Variants in DYNC2LI1 observed in about 807,000 individuals in gnomAD.
DYNC2LI1 encodes dynein cytoplasmic 2 light intermediate chain 1, also known as cytoplasmic dynein 2 light intermediate chain 1.
Under a neutral mutation model 51.9 loss-of-function variants are expected in DYNC2LI1, and 45 were observed. The ratio of observed to expected loss-of-function variants is 0.87; its 90% CI spans 0.68 to 1.11. The LOEUF is 1.11. Among genes scored for constraint, DYNC2LI1 ranks in the 50% most tolerant of loss-of-function variants. DYNC2LI1 has a pLI of 0.00. For synonymous variants in DYNC2LI1, 130 were observed against 137.8 expected, an observed-to-expected ratio of 0.94 and a Z score of 0.40; for missense variants, 490 against 417.4, an observed-to-expected ratio of 1.17 and a Z score of -1.51.
intron 12 of DYNC2LI1, chr2:43,805,633 C>T (rs776988081): frequency 6.4e-6 from 1 of 156,260 alleles, no homozygotes; most frequent in Non-Finnish European, 1.4e-5. Flanking sequence ...TTGATTAGGA[C>T]ATTCAGACAT....
chr2:43,808,058 T>C (rs1056507114), intron 12 of DYNC2LI1, among the ~76,000 whole-genome samples: 1 of 152,202 alleles, frequency 6.6e-6, no homozygotes, highest in Non-Finnish European at 1.5e-5. Context: ...CCTTTGTCAT[T>C]GGTAAAAATA....
At chr2:43,781,054 T>C (rs1673255915) in intron 2 of DYNC2LI1, among the ~76,000 whole-genome samples, 1 of 152,160 alleles carries the variant, frequency 6.6e-6, no homozygotes, top group African/African-American at 2.4e-5. Flanking sequence ...GTGCTATACA[T>C]TTATATGAAA....
downstream of DYNC2LI1, among the ~76,000 whole-genome samples, chr2:43,815,005 G>A (rs920958521): frequency 1.3e-5 from 2 of 152,138 alleles, no homozygotes; most frequent in African/African-American, 2.4e-5. Flanking sequence ...TCAAGTAGAC[G>A]ATTACTGTCT....
chr2:43,821,452 C>T, the DYNC2LI1 span, among the ~76,000 whole-genome samples: 5,485 of 152,236 alleles, frequency 0.036, 125 homozygotes, highest in South Asian at 0.061. Context: ...AAAATGGTTT[C>T]GCTCCCAGGA....
At chr2:43,824,815 G>A in the DYNC2LI1 span, 1 of 1,585,604 alleles carries the variant, frequency 6.3e-7, no homozygotes, top group Non-Finnish European at 8.6e-7. Flanking sequence ...CTAGACTGGT[G>A]TCATCCAGGC....
chr2:43,803,287 G>C (rs1666133777), intron 10 of DYNC2LI1, among the ~76,000 whole-genome samples: 1 of 152,106 alleles, frequency 6.6e-6, no homozygotes, highest in Admixed American at 6.5e-5. Flanking sequence ...TGTTCAGCAG[G>C]TGAGTGACTA....
intron 8 of DYNC2LI1, among the ~76,000 whole-genome samples, chr2:43,800,490 C>T (rs1666037036): frequency 6.6e-6 from 1 of 151,952 alleles, no homozygotes; most frequent in African/African-American, 2.4e-5. Context: ...TCTTTTAGAC[C>T]ATAATGAGTA....
the DYNC2LI1 span, chr2:43,824,734 G>A: frequency 1.1e-6 from 1 of 926,054 alleles, no homozygotes; most frequent in Non-Finnish European, 1.3e-6. Context: ...TCTCTGGCAA[G>A]TTCATTGACC....
chr2:43,800,045 A>C (rs1240224020), intron 8 of DYNC2LI1, among the ~76,000 whole-genome samples: 1 of 152,238 alleles, frequency 6.6e-6, no homozygotes, highest in Non-Finnish European at 1.5e-5. Flanking sequence ...CTTCACAATT[A>C]GATTTCATTT....
the DYNC2LI1 span, among the ~76,000 whole-genome samples, chr2:43,821,727 G>A: frequency 6.6e-6 from 1 of 152,092 alleles, no homozygotes; most frequent in African/African-American, 2.4e-5. Context: ...CTAATAGCAT[G>A]TCCCATGATG....
chr2:43,819,955 G>A, the DYNC2LI1 span: 1 of 1,614,138 alleles, frequency 6.2e-7, no homozygotes, highest in South Asian at 1.1e-5. Context: ...GCAATGGACA[G>A]CAGAGCCACT....
At chr2:43,828,118 G>A in the DYNC2LI1 span, 5 of 1,613,812 alleles carry the variant, frequency 3.1e-6, no homozygotes, top group Admixed American at 6.7e-5. Flanking sequence ...GCCTCCACCT[G>A]CAGGAGACAC....
At chr2:43,797,707 A>G (rs914050657) in intron 8 of DYNC2LI1, among the ~76,000 whole-genome samples, 1 of 151,688 alleles carries the variant, frequency 6.6e-6, no homozygotes, top group Non-Finnish European at 1.5e-5. Flanking sequence ...TTTAATAGAG[A>G]TGGGGTTTCA....
At chr2:43,812,771 CAT>C, downstream of DYNC2LI1, 1 of 251,710 alleles carries the variant, frequency 4.0e-6, no homozygotes, top group South Asian at 6.0e-5. Flanking sequence ...CCAATGTAAA[CAT>C]ATTTTTAAGC....
At chr2:43,784,166 G>A (rs1673414301) in intron 3 of DYNC2LI1, among the ~76,000 whole-genome samples, 1 of 152,074 alleles carries the variant, frequency 6.6e-6, no homozygotes, top group South Asian at 2.1e-4. Flanking sequence ...TGGTGTTAAG[G>A]TCACATTAAA....
intron 9 of DYNC2LI1, 194 bp from the exon 10 acceptor site, chr2:43,801,445 A>T: frequency 9.4e-6 from 4 of 424,330 alleles, no homozygotes; most frequent in African/African-American, 2.1e-5. Context: ...TTTTTTTCCT[A>T]TAAAATGTTT....
intron 12 of DYNC2LI1, among the ~76,000 whole-genome samples, chr2:43,806,406 C>T (rs1295163530): frequency 6.6e-6 from 1 of 152,080 alleles, no homozygotes; most frequent in Non-Finnish European, 1.5e-5. Flanking sequence ...TATTCACCTT[C>T]GGGGGCTGTT....
At chr2:43,817,214 G>T in the DYNC2LI1 span, among the ~76,000 whole-genome samples, 2 of 152,258 alleles carry the variant, frequency 1.3e-5, no homozygotes, top group African/African-American at 4.8e-5. Flanking sequence ...ACCAGGTATA[G>T]TGGCTCACGC....
chr2:43,825,404 C>T, the DYNC2LI1 span, among the ~76,000 whole-genome samples: 2 of 152,078 alleles, frequency 1.3e-5, no homozygotes, highest in Non-Finnish European at 2.9e-5. Context: ...CATTTTAAAT[C>T]TCAGCTCCTC....
Sources: gnomAD v4.1 joint callset for allele counts (sites outside exome capture counted in the v4.1 genomes callset) on GRCh38, gnomAD v4.1.1 for gene constraint, MANE v1.5 for transcripts, NCBI Gene and HGNC (gene_info 2026-07-23, HGNC 2026-07-21) for gene names.